CAMK1D: variants seen among roughly 807,000 people sequenced by gnomAD.
CAMK1D encodes the protein calcium/calmodulin dependent protein kinase ID.
A neutral mutation model predicts 47.7 loss-of-function variants in CAMK1D; 9 were observed. The observed-to-expected ratio is 0.19, with a 90% CI of 0.11 to 0.33. The LOEUF (loss-of-function observed/expected upper bound fraction) is 0.33, where lower values mean the gene tolerates loss of function less well. Ranked by LOEUF, CAMK1D falls within the 10% of genes least tolerant of loss-of-function variation. The pLI is 1.00. For synonymous variants in CAMK1D, 184 were observed against 184.9 expected (o/e 0.99, Z 0.04); for missense variants, 291 against 488.7 (o/e 0.60, Z 3.81).
chr10:12,421,253 A>G (rs1358529856), intron 1 of CAMK1D, among the ~76,000 whole-genome samples: 1 of 152,148 alleles, frequency 6.6e-6, no homozygotes, highest in Admixed American at 6.5e-5. Context: ...TTGCTCTGAG[A>G]GCTTTACTGT....
intron 1 of CAMK1D, among the ~76,000 whole-genome samples, chr10:12,409,128 A>G (rs1213991386): frequency 6.6e-6 from 1 of 152,104 alleles, no homozygotes; most frequent in African/African-American, 2.4e-5. Context: ...AAGTGCTGGT[A>G]TTACAGGCGT....
intron 2 of CAMK1D, among the ~76,000 whole-genome samples, chr10:12,624,155 ATCAT>A (rs551203505): frequency 1.3e-3 from 197 of 152,278 alleles, no homozygotes; most frequent in African/African-American, 4.5e-3. Context: ...TTAGAAAAAA[ATCAT>A]TCTTAGCATT....
chr10:12,716,153 G>T (rs546565910), intron 3 of CAMK1D, among the ~76,000 whole-genome samples: 55 of 152,214 alleles, frequency 3.6e-4, no homozygotes, highest in African/African-American at 1.2e-3. Flanking sequence ...ATACCGCCTC[G>T]CACTTTATCT....
At chr10:12,749,885 T>C (rs1588883866) in intron 3 of CAMK1D, among the ~76,000 whole-genome samples, 1 of 152,164 alleles carries the variant, frequency 6.6e-6, no homozygotes, top group East Asian at 1.9e-4. Flanking sequence ...TGAGCCACTG[T>C]GTCCGGCCAG....
At chr10:12,603,916 C>T (rs137863712) in intron 2 of CAMK1D, among the ~76,000 whole-genome samples, 1 of 152,258 alleles carries the variant, frequency 6.6e-6, no homozygotes, top group African/African-American at 2.4e-5. Flanking sequence ...CGCTGTGTAC[C>T]CAGAGGTCTC....
At chr10:12,513,257 C>G (rs1266710163) in intron 1 of CAMK1D, among the ~76,000 whole-genome samples, 3 of 152,124 alleles carry the variant, frequency 2.0e-5, no homozygotes, top group African/African-American at 7.2e-5. Flanking sequence ...ACCCTGGACG[C>G]GGGCAGCCCT....
intron 5 of CAMK1D, among the ~76,000 whole-genome samples, chr10:12,773,954 T>C (rs553017427): frequency 5.9e-4 from 89 of 151,360 alleles, no homozygotes; most frequent in Non-Finnish European, 1.0e-3. Flanking sequence ...CTGACCTCAG[T>C]ATTATGAGAG....
chr10:12,500,887 T>A lies in CAMK1D; in HGVS notation c.93-52338T>A, dbSNP rs150927826. 5.5e-3 allele frequency among the ~76,000 whole-genome samples: 843 copies of A among 152,382 alleles called. 4 individuals are homozygous for A. The highest frequency in any genetic ancestry group is 0.014 in the Middle Eastern group (4 of 294). ...GGAAACTGTGCTGTTATTAACTGCC[T>A]ATTGTGTGAACACTTTCGCATAGAT... On this transcript the variant is annotated intron_variant, in intron 1 of 10. Coordinates refer to ENST00000619168, the MANE Select transcript of CAMK1D (RefSeq NM_153498.4).
chr10:12,398,325 A>C (rs1179105514), intron 1 of CAMK1D, among the ~76,000 whole-genome samples: 2 of 152,174 alleles, frequency 1.3e-5, no homozygotes, highest in Non-Finnish European at 2.9e-5. Flanking sequence ...TAGAGGGCCT[A>C]CATATTTTCA....
chr10:12,827,484 TTC>T (rs1833284933), intron 10 of CAMK1D, among the ~76,000 whole-genome samples: 2 of 8,144 alleles, frequency 2.5e-4, no homozygotes, highest in East Asian at 2.4e-3. Flanking sequence ...CTTTCTTTCT[TTC>T]TTTCTTTCTT....
chr10:12,667,234 C>T (rs562348006), intron 3 of CAMK1D, among the ~76,000 whole-genome samples: 2 of 152,326 alleles, frequency 1.3e-5, no homozygotes, highest in African/African-American at 4.8e-5. Context: ...CAGATGGTAA[C>T]TGTGTATACC....
intron 5 of CAMK1D, among the ~76,000 whole-genome samples, chr10:12,782,046 G>A (rs1345224180): frequency 1.3e-5 from 2 of 150,188 alleles, no homozygotes; most frequent in African/African-American, 4.9e-5. Flanking sequence ...GACAGCTCTA[G>A]GTGAAGGCTG....
At chr10:12,741,572 GT>G (rs1835429417) in intron 3 of CAMK1D, among the ~76,000 whole-genome samples, 1 of 152,156 alleles carries the variant, frequency 6.6e-6, no homozygotes, top group African/African-American at 2.4e-5. Flanking sequence ...GAACCTTTTG[GT>G]TTTCTTATTT....
chr10:12,462,207 C>T (rs1187814375), intron 1 of CAMK1D, among the ~76,000 whole-genome samples: 1 of 131,630 alleles, frequency 7.6e-6, no homozygotes, highest in Non-Finnish European at 1.5e-5. Context: ...CCCTCTGTTG[C>T]CAGGCTGGAG....
At chr10:12,389,888 A>G (rs984094763) in intron 1 of CAMK1D, among the ~76,000 whole-genome samples, 3 of 151,996 alleles carry the variant, frequency 2.0e-5, no homozygotes, top group African/African-American at 7.2e-5. Flanking sequence ...GAAGGGATGA[A>G]TTCATCATAG....
chr10:12,574,468 ATTTTTTTTTTT>A (rs1171556305), intron 2 of CAMK1D, among the ~76,000 whole-genome samples: 3 of 61,370 alleles, frequency 4.9e-5, no homozygotes, highest in South Asian at 6.7e-4. Flanking sequence ...CGCCTAGCTA[ATTTTTTTTTTT>A]TTTTTTTTTT....
intron 3 of CAMK1D, among the ~76,000 whole-genome samples, chr10:12,682,698 A>T (rs1832490601): frequency 6.6e-6 from 1 of 152,230 alleles, no homozygotes; most frequent in African/African-American, 2.4e-5. Context: ...GACTGAAGAC[A>T]GTTTTATGAA....
intron 8 of CAMK1D, among the ~76,000 whole-genome samples, chr10:12,820,739 G>A (rs1644423): frequency 0.67 from 101,589 of 152,008 alleles, 34,554 homozygotes; most frequent in East Asian, 0.82. Context: ...GAAGGCAGCC[G>A]GCCTCTTAGC....
chr10:12,349,697 G>A lies in CAMK1D; in HGVS notation c.-122G>A, dbSNP rs1420475012. The A allele has an allele frequency of 1.1e-5, 2 of 179,558 alleles. No individual in the cohort carries two copies. The highest frequency in any genetic ancestry group is 2.3e-5 in the Non-Finnish European group (2 of 87,836). 11.1% of individuals were successfully genotyped at this position (179,558 alleles called of 1,614,324 possible). ...GAGAGCGAAAGAGGAAACTGCAGAGGAGGAAGCTGCGCCGCAGCCCGAGCC... is the reference window on the plus strand; with the variant it reads ...GAGAGCGAAAGAGGAAACTGCAGAGAAGGAAGCTGCGCCGCAGCCCGAGCC... On this transcript the variant is annotated 5_prime_UTR_variant, in exon 1 of 11. Coordinates refer to ENST00000619168, the MANE Select transcript of CAMK1D (RefSeq NM_153498.4).
Sources: allele counts gnomAD v4.1 joint callset (sites outside exome capture counted in the v4.1 genomes callset), GRCh38; gene constraint gnomAD v4.1.1; transcripts MANE v1.5; gene names NCBI Gene and HGNC (gene_info 2026-07-23, HGNC 2026-07-21).